The following TNRC6A variants were observed in gnomAD, a reference collection of about 807,000 sequenced individuals.
TNRC6A encodes trinucleotide repeat-containing gene 6A protein.
In TNRC6A, 44 loss-of-function variants were observed where a neutral mutation model predicts 221.2. The observed-to-expected ratio is 0.20, with a 90% CI of 0.16 to 0.26. The LOEUF (loss-of-function observed/expected upper bound fraction) is 0.26, where lower values mean the gene tolerates loss of function less well. Among genes scored for constraint, TNRC6A ranks in the 10% least tolerant of loss-of-function variants. TNRC6A has a pLI of 1.00. For synonymous variants in TNRC6A, 847 were observed against 838.5 expected (o/e 1.01, Z -0.18); for missense variants, 2,199 against 2,404.4 (o/e 0.91, Z 1.79).
intron 2 of TNRC6A, among the ~76,000 whole-genome samples, chr16:24,707,350 G>GCGCACACA (rs2056115784): frequency 6.7e-6 from 1 of 149,506 alleles, no homozygotes; most frequent in Non-Finnish European, 1.5e-5. Flanking sequence ...GAACATGGGC[G>GCGCACACA]CACACACACA....
At chr16:24,821,452 G>A (rs1221107640) in intron 22 of TNRC6A, among the ~76,000 whole-genome samples, 1 of 152,218 alleles carries the variant, frequency 6.6e-6, no homozygotes, top group Non-Finnish European at 1.5e-5. Flanking sequence ...ATTGCAGGGA[G>A]TGGAGGAGGA....
At chr16:24,638,783 G>A (rs930457706) in intron 1 of TNRC6A, among the ~76,000 whole-genome samples, 2 of 151,974 alleles carry the variant, frequency 1.3e-5, no homozygotes, top group African/African-American at 4.8e-5. Flanking sequence ...GTTGTATTTA[G>A]TCTCCCTTAA....
intron 1 of TNRC6A, 87 bp downstream of exon 1, chr16:24,729,933 C>CGGCGGCGGCAGCAGAGGT: frequency 8.8e-7 from 1 of 1,131,326 alleles, no homozygotes; most frequent in Non-Finnish European, 1.1e-6. Context: ...GCAGCAGAGG[C>CGGCGGCGGCAGCAGAGGT]GGCGGCGCCG....
At chr16:24,643,091 AT>A (rs1299837340) in intron 2 of TNRC6A, among the ~76,000 whole-genome samples, 2 of 136,162 alleles carry the variant, frequency 1.5e-5, no homozygotes, top group Non-Finnish European at 1.5e-5. Context: ...ATATATATAT[AT>A]TTTATATATA....
At chr16:24,742,634 G>T (rs192087624) in intron 2 of TNRC6A, among the ~76,000 whole-genome samples, 240 of 152,220 alleles carry the variant, frequency 1.6e-3, no homozygotes, top group Non-Finnish European at 2.4e-3. Flanking sequence ...AAAATAATTA[G>T]AAAATGTCTG....
intron 2 of TNRC6A, among the ~76,000 whole-genome samples, chr16:24,660,396 G>A (rs911280660): frequency 6.6e-6 from 1 of 152,094 alleles, no homozygotes; most frequent in Non-Finnish European, 1.5e-5. Flanking sequence ...AGGTTGCTGC[G>A]AATGCCATTA....
chr16:24,626,348 G>T (rs184645867), intron 1 of TNRC6A, among the ~76,000 whole-genome samples: 8 of 152,158 alleles, frequency 5.3e-5, no homozygotes, highest in Non-Finnish European at 1.0e-4. Context: ...AGCAAACAAA[G>T]CTAAACATTT....
At chr16:24,769,040 A>G (rs552667562) in intron 4 of TNRC6A, among the ~76,000 whole-genome samples, 1 of 152,366 alleles carries the variant, frequency 6.6e-6, no homozygotes, top group East Asian at 1.9e-4. Context: ...AAACATTTAA[A>G]GAAGTATTAA....
chr16:24,804,951 G>T, intron 13 of TNRC6A, 63 bp from the exon 14 acceptor site: 2 of 1,614,016 alleles, frequency 1.2e-6, no homozygotes, highest in Non-Finnish European at 1.7e-6. Flanking sequence ...ATAGTACAGT[G>T]TGGTAATGAG....
chr16:24,703,739 A>G (rs1228592972), intron 2 of TNRC6A, among the ~76,000 whole-genome samples: 1 of 152,140 alleles, frequency 6.6e-6, no homozygotes, highest in African/African-American at 2.4e-5. Context: ...ATTTCTCTTG[A>G]GTATACACCT....
chr16:24,655,201 G>A (rs2141869665), intron 2 of TNRC6A, among the ~76,000 whole-genome samples: 1 of 152,084 alleles, frequency 6.6e-6, no homozygotes, highest in African/African-American at 2.4e-5. Flanking sequence ...AAGTGATCGT[G>A]CCACTGCACT....
chr16:24,813,192 T>A (rs1228759261), intron 18 of TNRC6A, among the ~76,000 whole-genome samples: 1 of 152,136 alleles, frequency 6.6e-6, no homozygotes, highest in African/African-American at 2.4e-5. Context: ...TTATTTTAGA[T>A]TCAGGGGGTA....
intron 2 of TNRC6A, among the ~76,000 whole-genome samples, chr16:24,723,779 C>T (rs1346100758): frequency 6.6e-6 from 1 of 152,036 alleles, no homozygotes; most frequent in Non-Finnish European, 1.5e-5. Context: ...GCAATTATCA[C>T]ATAAATTGAG....
intron 2 of TNRC6A, among the ~76,000 whole-genome samples, chr16:24,740,711 A>G (rs1415462704): frequency 1.3e-5 from 2 of 152,146 alleles, no homozygotes; most frequent in African/African-American, 4.8e-5. Context: ...GGCATTGTCC[A>G]TTCACATTGT....
chr16:24,723,872 T>G (rs1362917679), intron 2 of TNRC6A, among the ~76,000 whole-genome samples: 2 of 152,232 alleles, frequency 1.3e-5, no homozygotes, highest in Non-Finnish European at 2.9e-5. Context: ...ATAACTACAG[T>G]TCTTGATGTG....
At chr16:24,763,917 A>T (rs576447991) in intron 4 of TNRC6A, among the ~76,000 whole-genome samples, 1 of 152,228 alleles carries the variant, frequency 6.6e-6, no homozygotes, top group Non-Finnish European at 1.5e-5. Context: ...GCACAGTGAA[A>T]TGAATACCAC....
intron 2 of TNRC6A, among the ~76,000 whole-genome samples, chr16:24,651,184 CAAAA>C (rs551269541): frequency 4.5e-5 from 5 of 111,888 alleles, no homozygotes; most frequent in Admixed American, 9.8e-5. Context: ...CTGGGTATGG[CAAAA>C]AAAAAAAAAA....
rs573561994 is a variant in TNRC6A at position 24,654,896 on chromosome 16, A to T, written n.402+13887A>T. On this transcript the variant is annotated intron_variant and non_coding_transcript_variant, in intron 2 of 2. Transcript: ENST00000566108. ...AACATTCTGGACAGAATATTATTTC[A>T]CGGTAGATGGTATAATTTCTCCCAA... Among the ~76,000 whole-genome samples the T allele has an allele frequency of 1.2e-4, 18 of 152,256 alleles. No individual in the cohort carries two copies. In the South Asian group the frequency reaches 3.5e-3, roughly 30 times the overall value.
intron 21 of TNRC6A, among the ~76,000 whole-genome samples, chr16:24,819,359 C>T (rs1007858822): frequency 2.6e-5 from 4 of 152,176 alleles, no homozygotes; most frequent in African/African-American, 9.7e-5. Flanking sequence ...TACCTGGTCC[C>T]TGCATACCCA....
Sources: gnomAD v4.1 joint callset for allele counts (sites outside exome capture counted in the v4.1 genomes callset) on GRCh38, gnomAD v4.1.1 for gene constraint, MANE v1.5 for transcripts, NCBI Gene and HGNC (gene_info 2026-07-23, HGNC 2026-07-21) for gene names.